The following IQSEC1 variants were observed in gnomAD, a reference collection of about 807,000 sequenced individuals.
IQSEC1 encodes IQ motif and Sec7 domain ArfGEF 1.
Under a neutral mutation model 91.0 loss-of-function variants are expected in IQSEC1, and 31 were observed. The observed-to-expected ratio is 0.34, with a 90% CI of 0.26 to 0.46. The LOEUF (loss-of-function observed/expected upper bound fraction) is 0.46. Among genes scored for constraint, IQSEC1 ranks in the 20% least tolerant of loss-of-function variants. IQSEC1 has a pLI of 1.00. For missense variants in IQSEC1, 1,388 were observed against 1,575.6 expected, an observed-to-expected ratio of 0.88 and a Z score of 2.02; for synonymous variants, 699 against 662.6, an observed-to-expected ratio of 1.05 and a Z score of -0.84.
At position 13,107,202 on chromosome 3, in the gene IQSEC1, T is replaced by C. The variant is rs1706165034; in HGVS notation, c.302+56902A>G. Among the ~76,000 whole-genome samples, 5 of 152,226 alleles carry C rather than the reference T, an allele frequency of 3.3e-5. No individual in the cohort carries two copies. In the South Asian group the frequency reaches 8.3e-4, roughly 25 times the overall value. The stretch of plus-strand genomic sequence containing the variant: ...AGAGATGTCTATAGACTGTAGGATC[T>C]GCACAAGAGGTATTCCTGAAACCAG... On this transcript the variant is annotated intron_variant, in intron 2 of 15. Transcript: ENST00000648114.
At chr3:12,977,167 C>A (rs1373664248) in intron 1 of IQSEC1, among the ~76,000 whole-genome samples, 2 of 151,870 alleles carry the variant, frequency 1.3e-5, no homozygotes, top group African/African-American at 2.4e-5. Context: ...GGCAACATGG[C>A]GAAACCTCAT....
chr3:12,942,255 G>T (rs971384941), intron 1 of IQSEC1, among the ~76,000 whole-genome samples: 1 of 152,172 alleles, frequency 6.6e-6, no homozygotes, highest in African/African-American at 2.4e-5. Flanking sequence ...CTGACTCAGC[G>T]AATTCTGTCG....
At position 12,899,655 on chromosome 3, in the gene IQSEC1, G is replaced by A. The variant is rs1694023571; in HGVS notation, c.*1328C>T. On this transcript the variant is annotated 3_prime_UTR_variant, in exon 14 of 14. Coordinates refer to ENST00000613206, the MANE Select transcript of IQSEC1 (RefSeq NM_001134382.3). Reference sequence around the variant, plus strand: ...GCCACGGTGAGGACACAGGGGTTCTGCTAGCACATGGCTACATGGAATTAC... The same window carrying A: ...GCCACGGTGAGGACACAGGGGTTCTACTAGCACATGGCTACATGGAATTAC... 4 of 985,464 alleles carry A rather than the reference G, an allele frequency of 4.1e-6. No individual in the cohort carries two copies. Among genetic ancestry groups the A allele is most frequent in the Non-Finnish European group, 4.8e-6 (4 of 829,936 alleles). 61.0% of individuals were successfully genotyped at this position (985,464 alleles called of 1,614,324 possible). A position where few individuals can be genotyped will look rare whatever the true frequency, so the allele number is the denominator to read the frequency against.
chr3:13,245,682 G>A (rs943479340), intron 1 of IQSEC1, among the ~76,000 whole-genome samples: 4 of 151,628 alleles, frequency 2.6e-5, no homozygotes, highest in Non-Finnish European at 1.5e-5. Context: ...CACGAGAATC[G>A]CTTGAACCCA....
intron 2 of IQSEC1, among the ~76,000 whole-genome samples, chr3:13,096,952 C>T (rs1337541902): frequency 1.3e-5 from 2 of 151,846 alleles, no homozygotes; most frequent in Non-Finnish European, 2.9e-5. Context: ...GCTCCACCTC[C>T]AGGGTTCACG....
chr3:13,051,711 C>T (rs1192717248), intron 1 of IQSEC1, among the ~76,000 whole-genome samples: 2 of 152,198 alleles, frequency 1.3e-5, no homozygotes, highest in Non-Finnish European at 2.9e-5. Context: ...TCAGCTGGAA[C>T]TGGTGGTCAT....
At chr3:13,183,174 T>TAAAC (rs60302548) in intron 1 of IQSEC1, among the ~76,000 whole-genome samples, 3,844 of 143,674 alleles carry the variant, frequency 0.027, 105 homozygotes, top group East Asian at 0.17. Context: ...CACCAATAAA[T>TAAAC]AAACAAACAA....
chr3:13,175,254 G>A (rs1457316678), intron 1 of IQSEC1, among the ~76,000 whole-genome samples: 1 of 152,154 alleles, frequency 6.6e-6, no homozygotes, highest in Non-Finnish European at 1.5e-5. Context: ...CTGGGCCCAT[G>A]TTTCCTCATT....
At chr3:13,031,581 G>A (rs543964129) in intron 1 of IQSEC1, among the ~76,000 whole-genome samples, 17 of 152,268 alleles carry the variant, frequency 1.1e-4, no homozygotes, top group African/African-American at 2.9e-4. Context: ...CCTTTCCCTC[G>A]TTCACAGATA....
intron 1 of IQSEC1, among the ~76,000 whole-genome samples, chr3:13,039,855 C>T (rs1422379912): frequency 1.3e-5 from 2 of 152,244 alleles, no homozygotes; most frequent in African/African-American, 4.8e-5. Flanking sequence ...CCGAGCTGCT[C>T]AGCTGGCAGC....
chr3:13,101,534 G>A (rs1048556930), intron 2 of IQSEC1, among the ~76,000 whole-genome samples: 4 of 152,172 alleles, frequency 2.6e-5, no homozygotes, highest in African/African-American at 7.2e-5. Context: ...CTGGCTAGAT[G>A]GTGGGCTGGC....
At chr3:13,199,900 C>T (rs755553246) in intron 1 of IQSEC1, among the ~76,000 whole-genome samples, 2 of 151,440 alleles carry the variant, frequency 1.3e-5, no homozygotes, top group African/African-American at 2.4e-5. Flanking sequence ...CACACACACA[C>T]AACAAACAGA....
At chr3:13,041,244 A>C (rs902322454) in intron 1 of IQSEC1, among the ~76,000 whole-genome samples, 4 of 152,008 alleles carry the variant, frequency 2.6e-5, no homozygotes, top group Non-Finnish European at 4.4e-5. Flanking sequence ...GAAAGGCTGC[A>C]CCACAGCGCT....
intron 2 of IQSEC1, among the ~76,000 whole-genome samples, chr3:13,081,546 G>A (rs1705647130): frequency 6.6e-6 from 1 of 152,218 alleles, no homozygotes; most frequent in Non-Finnish European, 1.5e-5. Context: ...TAGGATTATA[G>A]GCATGAGCCA....
intron 2 of IQSEC1, among the ~76,000 whole-genome samples, chr3:13,137,777 C>T (rs1172663758): frequency 6.6e-6 from 1 of 152,150 alleles, no homozygotes; most frequent in East Asian, 1.9e-4. Context: ...CAGCTATGAT[C>T]ATACCTGTGA....
At position 13,187,801 on chromosome 3, in the gene IQSEC1, C is replaced by T. The variant is rs1000801004; in HGVS notation, c.273-23668G>A. On this transcript the variant is annotated intron_variant, in intron 1 of 15. Transcript: ENST00000648114. ...GTCCAAGATCAAGGTGCCGCAGGCT[C>T]GGTGTCTGCTGAGGACCCACCTCCT... 7.2e-5 allele frequency among the ~76,000 whole-genome samples: 11 copies of T among 152,170 alleles called. No individual in the cohort carries two copies. In the East Asian group the frequency reaches 1.5e-3, roughly 21 times the overall value.
intron 7 of IQSEC1, 103 bp from the exon 8 acceptor site, chr3:12,915,236 C>G (rs1695965836): frequency 7.7e-7 from 1 of 1,298,248 alleles, no homozygotes; most frequent in Non-Finnish European, 1.1e-6. Context: ...TGGGATCCAC[C>G]CAGCCAGTAT....
chr3:12,990,060 G>C (rs1287370502), intron 1 of IQSEC1, among the ~76,000 whole-genome samples: 1 of 152,196 alleles, frequency 6.6e-6, no homozygotes, highest in African/African-American at 2.4e-5. Flanking sequence ...ATCTGGCTGA[G>C]CTAAATAATG....
At chr3:13,242,474 A>G (rs1695036190) in intron 1 of IQSEC1, among the ~76,000 whole-genome samples, 1 of 152,342 alleles carries the variant, frequency 6.6e-6, no homozygotes, top group African/African-American at 2.4e-5. Context: ...GCAGAGTGAC[A>G]TGGCCAGCAG....
Sources: gnomAD v4.1 joint callset for allele counts (sites outside exome capture counted in the v4.1 genomes callset) on GRCh38, gnomAD v4.1.1 for gene constraint, MANE v1.5 for transcripts, NCBI Gene and HGNC (gene_info 2026-07-23, HGNC 2026-07-21) for gene names.